Variants in USP12 observed in about 807,000 individuals in gnomAD.
The protein encoded by USP12 is ubiquitin carboxyl-terminal hydrolase 12.
USP12 carries 19 observed loss-of-function variants against 45.5 expected under a neutral mutation model. The observed-to-expected ratio is 0.42, with a 90% CI of 0.29 to 0.61. The LOEUF is 0.61. USP12 is among the 20% of genes least tolerant of loss of function. The probability of loss-of-function intolerance (pLI) is 0.22; values close to 1 mark genes in which losing one functional copy is unlikely to be tolerated. For synonymous variants in USP12, 149 were observed against 148.8 expected, an observed-to-expected ratio of 1.00 and a Z score of -0.01; for missense variants, 242 against 447.7, an observed-to-expected ratio of 0.54 and a Z score of 4.15.
At chr13:27,104,555 G>A (rs780309927) in intron 3 of USP12, among the ~76,000 whole-genome samples, 21 of 152,238 alleles carry the variant, frequency 1.4e-4, no homozygotes, top group Non-Finnish European at 2.2e-4. Flanking sequence ...AAGTACATAC[G>A]TTTAGCTTTC....
chr13:27,067,668 G>A lies in USP12; in HGVS notation c.*1615C>T, dbSNP rs1163116387. ...ATAATAAATGTTAATAATAGCAGCA[G>A]ACTAAAAAATTCCTTTTTGTTGTTT... On this transcript the variant is annotated 3_prime_UTR_variant, in exon 9 of 9. Transcript: ENST00000282344. 5 of 152,088 alleles carry A rather than the reference G, an allele frequency of 3.3e-5. No homozygotes were observed. The highest frequency in any genetic ancestry group is 1.9e-4 in the East Asian group (1 of 5,196). The allele number at this position is 152,088 out of a possible 1,614,324, so 9.4% of individuals were successfully genotyped here.
chr13:27,073,426 T>C (rs1031771339), intron 7 of USP12, among the ~76,000 whole-genome samples: 1 of 152,066 alleles, frequency 6.6e-6, no homozygotes, highest in African/African-American at 2.4e-5. Flanking sequence ...GGAGTTCAAG[T>C]TGGGAGAAGC....
In USP12 at chr13:27,129,813, A is replaced by G. The variant is rs1285603187; in HGVS notation, c.49-13217T>C. 1.3e-5 allele frequency among the ~76,000 whole-genome samples: 2 copies of G among 152,176 alleles called. No individual in the cohort carries two copies. ...GTCTTTTCAACAACAAGAAAGCACC[A>G]CTCTTTGATAAATGGTGGGGAAGTA... is the stretch of plus-strand genomic sequence containing the variant. On this transcript the variant is annotated intron_variant, in intron 1 of 8. Transcript: ENST00000282344. This position sits in a 1 kb window ranked among gnomAD's most constrained non-coding sequence, Gnocchi z 4.0.
At position 27,068,230 on chromosome 13, in the gene USP12, A is replaced by ATT. The variant is rs1236795277; in HGVS notation, c.*1052_*1053insAA. 1 of 152,656 alleles carries ATT rather than the reference A, an allele frequency of 6.6e-6. No individual in the cohort carries two copies. Among genetic ancestry groups the ATT allele is most frequent in the African/African-American group, 2.4e-5 (1 of 41,464 alleles). 9.5% of individuals were successfully genotyped at this position (152,656 alleles called of 1,614,324 possible). A position where few individuals can be genotyped will look rare whatever the true frequency, so the allele number is the denominator to read the frequency against. On this transcript the variant is annotated 3_prime_UTR_variant, in exon 9 of 9. Coordinates refer to ENST00000282344, the MANE Select transcript of USP12 (RefSeq NM_182488.4). The stretch of plus-strand genomic sequence containing the variant: ...TCAACTTGAAACATTAGAATACTTA[A>ATT]GAATTCTAAAGATTGGTATACCACC...
chr13:27,171,268 C>T (rs983643905), intron 1 of USP12, among the ~76,000 whole-genome samples: 1 of 150,064 alleles, frequency 6.7e-6, no homozygotes, highest in Non-Finnish European at 1.5e-5. Context: ...GCGTCCCGAG[C>T]GGACCCCAGC....
chr13:27,156,544 G>A (rs1172628199), intron 1 of USP12, among the ~76,000 whole-genome samples: 1 of 152,238 alleles, frequency 6.6e-6, no homozygotes, highest in Non-Finnish European at 1.5e-5. Flanking sequence ...GGCTGGGGGG[G>A]CAGTGGCTCA....
chr13:27,133,565 C>T (rs1183686121), intron 1 of USP12, among the ~76,000 whole-genome samples: 1 of 149,644 alleles, frequency 6.7e-6, no homozygotes, highest in Non-Finnish European at 1.5e-5. Context: ...GAGGGCGGAG[C>T]TTGCAGTGAG....
intron 1 of USP12, among the ~76,000 whole-genome samples, chr13:27,164,724 T>TCA (rs1878276176): frequency 6.6e-6 from 1 of 152,202 alleles, no homozygotes; most frequent in Admixed American, 6.5e-5. Context: ...AGTTTTCAGT[T>TCA]CAGCAAGTGT....
At chr13:27,107,677 A>T (rs189086604) in intron 2 of USP12, among the ~76,000 whole-genome samples, 1 of 152,278 alleles carries the variant, frequency 6.6e-6, no homozygotes, top group African/African-American at 2.4e-5. Flanking sequence ...ATCCAAAAGA[A>T]CTCGGACACC....
At chr13:27,076,627 G>A (rs1316434375) in intron 6 of USP12, among the ~76,000 whole-genome samples, 1 of 152,092 alleles carries the variant, frequency 6.6e-6, no homozygotes, top group Non-Finnish European at 1.5e-5. Flanking sequence ...CTAGCAACAT[G>A]CCTGACATAT....
Position 27,112,846 on chromosome 13 carries a change from C to T in USP12, c.129+3670G>A, listed in dbSNP as rs1356040563. Among the ~76,000 whole-genome samples the T allele has an allele frequency of 5.9e-5, 9 of 152,110 alleles. No individual in the cohort carries two copies. The East Asian group carries it at 1.7e-3, about 29-fold the overall frequency. On this transcript the variant is annotated intron_variant, in intron 2 of 8. Transcript: ENST00000282344. ...TAGATAAAAATAAACATCAGAAATG[C>T]TAATATTTTCTTCCTATTCCCAATG...
At chr13:27,115,411 C>T (rs535543620) in intron 2 of USP12, among the ~76,000 whole-genome samples, 51 of 152,276 alleles carry the variant, frequency 3.3e-4, no homozygotes, top group African/African-American at 8.9e-4. Context: ...GGGAATCACA[C>T]ACATCACTTC....
At chr13:27,103,975 A>G (rs1457953127) in intron 3 of USP12, among the ~76,000 whole-genome samples, 5 of 152,164 alleles carry the variant, frequency 3.3e-5, no homozygotes, top group African/African-American at 9.6e-5. Context: ...TAAGGCCAAG[A>G]GAAATGTACT....
intron 1 of USP12, among the ~76,000 whole-genome samples, chr13:27,140,760 T>A (rs1877015937): frequency 6.6e-6 from 1 of 152,140 alleles, no homozygotes; most frequent in South Asian, 2.1e-4. Flanking sequence ...AACTTAAAAT[T>A]CCAGTTTTTC....
At chr13:27,069,544 T>C (rs1395337850) in intron 8 of USP12, among the ~76,000 whole-genome samples, 160 bp from the exon 9 acceptor site, 2 of 152,212 alleles carry the variant, frequency 1.3e-5, no homozygotes, top group Admixed American at 6.5e-5. Context: ...TGTTTATAAA[T>C]ACCTATCTTC....
At chr13:27,168,262 C>A (rs1048904742) in intron 1 of USP12, among the ~76,000 whole-genome samples, 1 of 152,182 alleles carries the variant, frequency 6.6e-6, no homozygotes, top group Non-Finnish European at 1.5e-5. Flanking sequence ...ACAACTTCTC[C>A]GTTGTCTGGT....
rs1358751575 is a variant in USP12 at position 27,129,504 on chromosome 13, G to T, written c.49-12908C>A. Among the ~76,000 whole-genome samples, 1 of 152,154 alleles carries T rather than the reference G, an allele frequency of 6.6e-6. No homozygotes were observed. The highest frequency in any genetic ancestry group is 1.5e-5 in the Non-Finnish European group (1 of 68,018). Reference sequence around the variant, plus strand: ...TTTGGGAAGTCAGAGCAGGAGGACTGCTTAAGGCCCGGAGTTCTAGAGAAG... The same window carrying T: ...TTTGGGAAGTCAGAGCAGGAGGACTTCTTAAGGCCCGGAGTTCTAGAGAAG... On this transcript the variant is annotated intron_variant, in intron 1 of 8. Coordinates refer to ENST00000282344, the MANE Select transcript of USP12 (RefSeq NM_182488.4). This position sits in a 1 kb window ranked among gnomAD's most constrained non-coding sequence, Gnocchi z 4.0.
intron 2 of USP12, among the ~76,000 whole-genome samples, 199 bp downstream of exon 2, chr13:27,116,311 CAAAAAA>C (rs10549775): frequency 1.1e-5 from 1 of 90,946 alleles, no homozygotes; most frequent in Non-Finnish European, 2.2e-5. Context: ...GACGCTGTCT[CAAAAAA>C]AAAAAAAAAA....
Position 27,071,161 on chromosome 13 carries a change from G to A in USP12, c.933-12C>T, listed in dbSNP as rs558479788. On this transcript the variant is annotated splice_polypyrimidine_tract_variant and intron_variant, in intron 7 of 8. Coordinates refer to ENST00000282344, the MANE Select transcript of USP12 (RefSeq NM_182488.4). ...CTCGATTGGGACCACTAAAACAAACGAAGAAGAAGTTAATTCAATATATTT... is the reference window on the plus strand; with the variant it reads ...CTCGATTGGGACCACTAAAACAAACAAAGAAGAAGTTAATTCAATATATTT... 1.8e-5 allele frequency: 29 copies of A among 1,581,972 alleles called. No homozygotes were observed. Among genetic ancestry groups the A allele is most frequent in the African/African-American group, 1.5e-4 (11 of 73,308 alleles).
Sources: allele counts gnomAD v4.1 joint callset (sites outside exome capture counted in the v4.1 genomes callset), GRCh38; gene constraint gnomAD v4.1.1; non-coding constraint Gnocchi (gnomAD v3.1); transcripts MANE v1.5; gene names NCBI Gene and HGNC (gene_info 2026-07-23, HGNC 2026-07-21).